VRK2: variants seen among roughly 807,000 people sequenced by gnomAD.
The protein encoded by VRK2 is serine/threonine-protein kinase VRK2.
VRK2 carries 60 observed loss-of-function variants against 57.6 expected under a neutral mutation model. The ratio of observed to expected loss-of-function variants is 1.04; its 90% CI spans 0.85 to 1.29. The LOEUF (loss-of-function observed/expected upper bound fraction) is 1.29. VRK2 is among the 50% of genes most tolerant of loss of function. VRK2 has a pLI of 0.00. For synonymous variants in VRK2, 231 were observed against 199.2 expected (o/e 1.16, Z -1.35); for missense variants, 705 against 588.1 (o/e 1.20, Z -2.06).
At chr2:58,000,798 A>G (rs1673066799) in intron 1 of VRK2, among the ~76,000 whole-genome samples, 1 of 152,214 alleles carries the variant, frequency 6.6e-6, no homozygotes, top group African/African-American at 2.4e-5. Flanking sequence ...ACTGCAAAAC[A>G]ACAGATATGA....
intron 10 of VRK2, among the ~76,000 whole-genome samples, chr2:58,138,050 G>C (rs993866117): frequency 1.3e-5 from 2 of 152,152 alleles, no homozygotes; most frequent in Non-Finnish European, 2.9e-5. Flanking sequence ...CTATCAGTTG[G>C]TGGAGTGCCA....
intron 1 of VRK2, among the ~76,000 whole-genome samples, chr2:57,920,227 C>T (rs1228699212): frequency 1.3e-5 from 2 of 152,094 alleles, no homozygotes; most frequent in Non-Finnish European, 2.9e-5. Flanking sequence ...ACACTCTTCC[C>T]ATATTTATAG....
intron 1 of VRK2, among the ~76,000 whole-genome samples, chr2:58,008,270 T>C (rs2103640855): frequency 6.6e-6 from 1 of 151,874 alleles, no homozygotes; most frequent in South Asian, 2.1e-4. Flanking sequence ...GAACTTACAA[T>C]AAAAAATTAG....
chr2:58,133,816 A>G (rs755906141), intron 9 of VRK2, among the ~76,000 whole-genome samples: 5 of 152,202 alleles, frequency 3.3e-5, no homozygotes, highest in Non-Finnish European at 7.3e-5. Flanking sequence ...AATATTGCCC[A>G]GTGGAGAACA....
chr2:58,071,404 G>A lies in VRK2; in HGVS notation c.137-12685G>A, dbSNP rs188652851. Among the ~76,000 whole-genome samples, 486 of 152,084 alleles carry A rather than the reference G, an allele frequency of 3.2e-3. 2 individuals are homozygous for A. Among genetic ancestry groups the A allele is most frequent in the Middle Eastern group, 0.027 (8 of 294 alleles). ...TTAGGTCACCCAGATTTTCATCTGT[G>A]TTATCTTCCAGAAGTTTATCGTTTT... On this transcript the variant is annotated intron_variant, in intron 2 of 12. Transcript: ENST00000340157.
chr2:58,110,275 A>T (rs2104405882), intron 7 of VRK2, among the ~76,000 whole-genome samples: 1 of 152,330 alleles, frequency 6.6e-6, no homozygotes, highest in South Asian at 2.1e-4. Context: ...TGTATGTAGC[A>T]ACTTTAAAGG....
At chr2:58,024,880 A>G (rs981894221) in intron 1 of VRK2, among the ~76,000 whole-genome samples, 1 of 152,236 alleles carries the variant, frequency 6.6e-6, no homozygotes, top group African/African-American at 2.4e-5. Context: ...GCTAAACATT[A>G]TCAAAAGAAA....
intron 1 of VRK2, among the ~76,000 whole-genome samples, chr2:57,955,380 T>G (rs1370182882): frequency 3.3e-5 from 5 of 150,614 alleles, no homozygotes; most frequent in African/African-American, 1.2e-4. Flanking sequence ...CATAAATATA[T>G]CTCTACCAAC....
upstream of VRK2, among the ~76,000 whole-genome samples, chr2:58,041,695 A>G (rs982623968): frequency 6.6e-6 from 1 of 152,186 alleles, no homozygotes; most frequent in African/African-American, 2.4e-5. Context: ...CTGATCCAGA[A>G]GAGAATTAAC....
chr2:58,046,475 C>A, upstream of VRK2: 1 of 984,400 alleles, frequency 1.0e-6, no homozygotes, highest in Non-Finnish European at 1.2e-6. Flanking sequence ...GGTTGTGGTA[C>A]AGGAGATCTA....
At chr2:58,058,319 G>T (rs963643346) in intron 2 of VRK2, 8 of 469,214 alleles carry the variant, frequency 1.7e-5, no homozygotes, top group Non-Finnish European at 3.5e-5. Flanking sequence ...TCATGAAGAT[G>T]AAACAAACTG....
intron 12 of VRK2, among the ~76,000 whole-genome samples, chr2:58,148,579 C>T (rs1046992857): frequency 6.6e-6 from 1 of 151,506 alleles, no homozygotes; most frequent in African/African-American, 2.4e-5. Flanking sequence ...TGTAAAGATA[C>T]CTAAGAAACC....
chr2:57,927,784 T>C (rs1422411334), intron 1 of VRK2, among the ~76,000 whole-genome samples: 2 of 152,184 alleles, frequency 1.3e-5, no homozygotes, highest in Non-Finnish European at 2.9e-5. Context: ...CTTCTTTATA[T>C]TTGAAGGATA....
At chr2:58,085,089 C>A (rs753589346) in intron 4 of VRK2, 139 bp downstream of exon 4, 29 of 691,518 alleles carry the variant, frequency 4.2e-5, no homozygotes, top group Non-Finnish European at 6.2e-5. Context: ...TTAACTGTTA[C>A]AACATATAAA....
At chr2:58,071,229 T>C (rs1669319959) in intron 2 of VRK2, among the ~76,000 whole-genome samples, 1 of 152,116 alleles carries the variant, frequency 6.6e-6, no homozygotes, top group Non-Finnish European at 1.5e-5. Context: ...TTTGCAAATA[T>C]CTCCTCCCAG....
intron 1 of VRK2, among the ~76,000 whole-genome samples, chr2:58,010,038 G>A (rs149386634): frequency 0.013 from 1,955 of 152,248 alleles, 20 homozygotes; most frequent in Non-Finnish European, 0.019. Flanking sequence ...CAAGTTTGTG[G>A]TGTCTAAAGA....
At chr2:57,944,735 C>CA (rs200114144) in intron 1 of VRK2, among the ~76,000 whole-genome samples, 12,998 of 121,072 alleles carry the variant, frequency 0.11, 640 homozygotes, top group Middle Eastern at 0.14. Flanking sequence ...GACTCTGTCT[C>CA]AAAAAAAAAA....
At chr2:58,114,806 AG>A (rs1253090441) in intron 7 of VRK2, among the ~76,000 whole-genome samples, 1 of 152,206 alleles carries the variant, frequency 6.6e-6, no homozygotes, top group Non-Finnish European at 1.5e-5. Flanking sequence ...GTCTGACAGA[AG>A]GGAAGAAATG....
intron 1 of VRK2, among the ~76,000 whole-genome samples, chr2:57,972,848 T>C (rs1672137510): frequency 6.6e-6 from 1 of 151,916 alleles, no homozygotes; most frequent in African/African-American, 2.4e-5. Context: ...ATTCCATATG[T>C]ATGTATAAAA....
Sources: gnomAD v4.1 joint callset for allele counts (sites outside exome capture counted in the v4.1 genomes callset) on GRCh38, gnomAD v4.1.1 for gene constraint, MANE v1.5 for transcripts, NCBI Gene and HGNC (gene_info 2026-07-23, HGNC 2026-07-21) for gene names.